The following AQP10 variants were observed in gnomAD, a reference collection of about 807,000 sequenced individuals.
AQP10 encodes the protein aquaporin-10.
A neutral mutation model predicts 21.0 loss-of-function variants in AQP10; 15 were observed. That is an observed-to-expected ratio of 0.71 (90% CI 0.48 to 1.10). The LOEUF is 1.10. Among genes scored for constraint, AQP10 ranks in the 50% least tolerant of loss-of-function variants. The probability of loss-of-function intolerance (pLI) is 0.00; values close to 1 mark genes in which losing one functional copy is unlikely to be tolerated. For missense variants in AQP10, 268 were observed against 379.5 expected (o/e 0.71, Z 2.44); for synonymous variants, 143 against 155.7 (o/e 0.92, Z 0.61).
In AQP10 at chr1:154,323,763, C is replaced by T. The variant is rs753952871; in HGVS notation, c.664C>T (p.Arg222Cys). 12 of 1,614,104 alleles carry T rather than the reference C, an allele frequency of 7.4e-6. No homozygotes were observed. In the Admixed American group the frequency reaches 1.3e-4, roughly 18 times the overall value. ...PLNPARDLGP[R>C]LFTYVAGWGP... ...CAACCCTGCCCGGGACCTGGGCCCA[C>T]GTCTCTTCACCTACGTGGCTGGCTG... Residue 222 changes from arginine (R) to cysteine (C), a missense_variant, in exon 5 of 6, where the codon CGT becomes TGT. By Grantham distance (180) the Arg-to-Cys change is radical. This residue lies in a region of AQP10 where 229 missense variants were observed against 295.1 expected (regional missense o/e 0.78). Transcript: ENST00000324978. This position sits in a 1 kb window ranked among gnomAD's most constrained non-coding sequence, Gnocchi z 4.5.
chr1:154,324,570 G>A lies in AQP10; in HGVS notation c.*90G>A. On this transcript the variant is annotated 3_prime_UTR_variant, in exon 6 of 6. Coordinates refer to ENST00000324978, the MANE Select transcript of AQP10 (RefSeq NM_080429.3). The stretch of plus-strand genomic sequence containing the variant: ...AGTCATTCTTCCTCTTTGTTAATGT[G>A]CCAGAACCTGGGAGGCTTCTCTGTT... 2 of 1,356,680 alleles carry A rather than the reference G, an allele frequency of 1.5e-6. 1 individual carries two copies. Among genetic ancestry groups the A allele is most frequent in the East Asian group, 4.9e-5 (2 of 40,776 alleles). The allele number at this position is 1,356,680 out of a possible 1,614,324, so 84.0% of individuals were successfully genotyped here.
At chr1:154,321,649 T>C (rs1298186360) in intron 1 of AQP10, among the ~76,000 whole-genome samples, 2 of 152,212 alleles carry the variant, frequency 1.3e-5, no homozygotes, top group African/African-American at 2.4e-5. Context: ...AACTCTTCCA[T>C]AGAAAGAATC....
chr1:154,323,823 C>T lies in AQP10; in HGVS notation c.707+17C>T. On this transcript the variant is annotated intron_variant, in intron 5 of 5. Transcript: ENST00000324978. This position sits in a 1 kb window ranked among gnomAD's most constrained non-coding sequence, Gnocchi z 4.5. ...AGTCTTCAGGTGGGAGACAGACTCT[C>T]CTGGTGCTGGCCTCCACTCACCTTC... 6.2e-7 allele frequency: 1 copy of T among 1,612,508 alleles called. No homozygotes were observed.
Position 154,321,978 on chromosome 1 carries a change from A to G in AQP10, c.151A>G (p.Thr51Ala), listed in dbSNP as rs1685651215. The change falls in exon 2 of 6, where the codon ACC (threonine) becomes GCC (alanine). Residue 51 changes from threonine (T) to alanine (A), a missense_variant. Thr to Ala is a moderately conservative substitution (Grantham distance 58). Transcript: ENST00000324978. ...GGCCCAGGCTGTCACCAGTGGAGAAACCAAAGGCAACTTCTTCACCATGTT... is the reference window on the plus strand; with the variant it reads ...GGCCCAGGCTGTCACCAGTGGAGAAGCCAAAGGCAACTTCTTCACCATGTT... Reference protein sequence around the residue: ...AVAQAVTSGETKGNFFTMFLA... With the variant: ...AVAQAVTSGEAKGNFFTMFLA... 2.5e-6 allele frequency: 4 copies of G among 1,613,352 alleles called. No individual in the cohort carries two copies. Among genetic ancestry groups the G allele is most frequent in the African/African-American group, 1.3e-5 (1 of 74,770 alleles).
chr1:154,324,241 GGA>G, intron 5 of AQP10, 39 bp from the exon 6 acceptor site: 1 of 1,499,792 alleles, frequency 6.7e-7, no homozygotes, highest in South Asian at 1.3e-5. Context: ...GAAGGCTAAG[GGA>G]GTCACTCCTG....
chr1:154,323,110 C>T lies in AQP10; in HGVS notation c.361C>T (p.Leu121Phe), dbSNP rs1685685081. The change falls in exon 3 of 6, where the codon CTC becomes TTC. Residue 121 changes from leucine to phenylalanine, a missense_variant. Physicochemically the swap from Leu to Phe is conservative, Grantham distance 22. Coordinates refer to ENST00000324978, the MANE Select transcript of AQP10 (RefSeq NM_080429.3). This position sits in a 1 kb window ranked among gnomAD's most constrained non-coding sequence, Gnocchi z 4.5. ...AFCASGATYV[L>F]YHDALQNYTG... ...CTGTGCTTCGGGAGCCACCTATGTT[C>T]TCTACCATGGTGACAGAGGGAACAG... The T allele has an allele frequency of 1.2e-6, 2 of 1,614,198 alleles. No homozygotes were observed. Among genetic ancestry groups the T allele is most frequent in the Non-Finnish European group, 1.7e-6 (2 of 1,180,038 alleles).
At chr1:154,324,036 C>T in intron 5 of AQP10, 2 of 1,395,824 alleles carry the variant, frequency 1.4e-6, no homozygotes, top group South Asian at 3.1e-5. Context: ...TACTTCCATG[C>T]ACATTAGTGA....
Position 154,323,038 on chromosome 1 carries a change from T to G in AQP10, c.289T>G (p.Trp97Gly), listed in dbSNP as rs1685684207. ...LAMCIVGRLP[W>G]VKLPIYILVQ... is the part of the protein sequence containing the mutation. ...CATGTGCATCGTTGGACGCCTCCCC[T>G]GGGTCAAGCTCCCCATTTACATCTT... Residue 97 changes from tryptophan to glycine, a missense_variant, in exon 3 of 6, where the codon TGG becomes GGG. Trp to Gly is a radical substitution (Grantham distance 184). Around this residue, in one of 3 missense-constraint regions of AQP10, gnomAD observed 229 missense variants for 295.1 expected, o/e 0.78. Transcript: ENST00000324978. The surrounding 1 kb of genome is among the most constrained non-coding windows in gnomAD (Gnocchi z 4.5). 1 of 1,614,092 alleles carries G rather than the reference T, an allele frequency of 6.2e-7. No individual in the cohort carries two copies. Among genetic ancestry groups the G allele is most frequent in the Admixed American group, 1.7e-5 (1 of 60,002 alleles).
rs542052977 is a variant in AQP10, at chr1:154,324,012, T to C, written c.707+206T>C. The C allele has an allele frequency of 3.7e-4, 531 of 1,435,056 alleles. 6 individuals are homozygous for C. In the South Asian group the frequency reaches 4.0e-3, roughly 11 times the overall value. The allele number at this position is 1,435,056 out of a possible 1,614,324, so 88.9% of individuals were successfully genotyped here. ...CAGTAAGATTTAGAGGTTGTGTTCT[T>C]AGGCATGCCACATTACTTCCATGCA... On this transcript the variant is annotated intron_variant, in intron 5 of 5. Coordinates refer to ENST00000324978, the MANE Select transcript of AQP10 (RefSeq NM_080429.3).
At chr1:154,322,501 T>TTTTC (rs1212424788) in intron 2 of AQP10, among the ~76,000 whole-genome samples, 110 of 147,156 alleles carry the variant, frequency 7.5e-4, no homozygotes, top group African/African-American at 2.7e-3. Context: ...TTTTTTTTTT[T>TTTTC]TTTTTTCTTT....
chr1:154,322,867 T>G, intron 2 of AQP10, 115 bp from the exon 3 acceptor site: 113 of 1,323,206 alleles, frequency 8.5e-5, no homozygotes, highest in Non-Finnish European at 1.0e-4. Context: ...AGCTGTGTGA[T>G]GAGAATTACA....
chr1:154,323,244 C>G lies in AQP10; in HGVS notation c.374C>G (p.Ala125Gly), dbSNP rs1309912450. ...SGATYVLYHD[A>G]LQNYTGGNLT... Reference sequence around the variant, plus strand: ...TGGGTGTTCCCTTCCTCCACAGATGCCCTACAGAACTATACAGGTGGGAAC... The same window carrying G: ...TGGGTGTTCCCTTCCTCCACAGATGGCCTACAGAACTATACAGGTGGGAAC... The change falls in exon 4 of 6, where the codon GCC becomes GGC. Residue 125 changes from alanine to glycine, a missense_variant. Ala to Gly is a moderately conservative substitution (Grantham distance 60, BLOSUM62 0). Around this residue, in one of 3 missense-constraint regions of AQP10, gnomAD observed 229 missense variants for 295.1 expected, o/e 0.78. Transcript: ENST00000324978. This position sits in a 1 kb window ranked among gnomAD's most constrained non-coding sequence, Gnocchi z 4.5. 6.2e-7 allele frequency: 1 copy of G among 1,613,930 alleles called. No individual in the cohort carries two copies. Among genetic ancestry groups the G allele is most frequent in the African/African-American group, 1.3e-5 (1 of 74,900 alleles).
At chr1:154,321,836 G>A in intron 1 of AQP10, 97 bp from the exon 2 acceptor site, 1 of 1,539,234 alleles carries the variant, frequency 6.5e-7, no homozygotes, top group Non-Finnish European at 8.8e-7. Context: ...TGTCTTCTGT[G>A]CTCATTCATC....
In AQP10 at chr1:154,323,941, A is replaced by G; in HGVS notation, c.707+135A>G. 1 of 1,477,834 alleles carries G rather than the reference A, an allele frequency of 6.8e-7. No homozygotes were observed. Among genetic ancestry groups the G allele is most frequent in the East Asian group, 2.5e-5 (1 of 40,222 alleles). 91.5% of individuals were successfully genotyped at this position (1,477,834 alleles called of 1,614,324 possible). The stretch of plus-strand genomic sequence containing the variant: ...GGACAGTGTTCTTTCTCCAAGTCAT[A>G]TTCTCCCCCTTTCTCCCTTGCTTCC... On this transcript the variant is annotated intron_variant, in intron 5 of 5. Transcript: ENST00000324978. This position sits in a 1 kb window ranked among gnomAD's most constrained non-coding sequence, Gnocchi z 4.5.
At position 154,324,516 on chromosome 1, in the gene AQP10, G is replaced by A; in HGVS notation, c.*36G>A. 1 of 1,590,214 alleles carries A rather than the reference G, an allele frequency of 6.3e-7. No individual in the cohort carries two copies. The highest frequency in any genetic ancestry group is 8.6e-7 in the Non-Finnish European group (1 of 1,165,948). On this transcript the variant is annotated 3_prime_UTR_variant, in exon 6 of 6. Transcript: ENST00000324978. The stretch of plus-strand genomic sequence containing the variant: ...CCTCACTTCACTCATGGACCCTGGA[G>A]CCAGCCACTGACCCCGCCTGGGAAC...
intron 1 of AQP10, 73 bp downstream of exon 1, chr1:154,321,333 C>T (rs1685637747): frequency 8.0e-7 from 1 of 1,247,774 alleles, no homozygotes; most frequent in African/African-American, 1.5e-5. Context: ...TTGTCCTTAT[C>T]TCTTTCTCTT....
chr1:154,321,379 C>T (rs1010582117), intron 1 of AQP10, 119 bp downstream of exon 1: 12 of 662,718 alleles, frequency 1.8e-5, no homozygotes, highest in Non-Finnish European at 2.7e-5. Flanking sequence ...TATCACTTTT[C>T]GTTTTTATCC....
At position 154,321,920 on chromosome 1, in the gene AQP10, C is replaced by G. The variant is rs376508474; in HGVS notation, c.106-13C>G. 1.9e-6 allele frequency: 3 copies of G among 1,611,510 alleles called. No homozygotes were observed. In the South Asian group the frequency reaches 3.3e-5, roughly 18 times the overall value. On this transcript the variant is annotated splice_polypyrimidine_tract_variant and intron_variant, in intron 1 of 5. Coordinates refer to ENST00000324978, the MANE Select transcript of AQP10 (RefSeq NM_080429.3). ...CTGGGCTCCCTGTTCCTCATCTCTCCTCTTCTCAGCAGCTCCTCACCCAAG... is the reference window on the plus strand; with the variant it reads ...CTGGGCTCCCTGTTCCTCATCTCTCGTCTTCTCAGCAGCTCCTCACCCAAG...
At chr1:154,324,095 C>A in intron 5 of AQP10, 187 bp from the exon 6 acceptor site, 1 of 1,193,910 alleles carries the variant, frequency 8.4e-7, no homozygotes, top group Non-Finnish European at 1.1e-6. Flanking sequence ...AGGCAAGAGG[C>A]TGGACCAAGC....
Sources: allele counts gnomAD v4.1 joint callset (sites outside exome capture counted in the v4.1 genomes callset), GRCh38; gene constraint gnomAD v4.1.1; regional missense constraint gnomAD v4.1.1; non-coding constraint Gnocchi (gnomAD v3.1); transcripts MANE v1.5; gene names NCBI Gene and HGNC (gene_info 2026-07-23, HGNC 2026-07-21).